The following DAGLB variants were observed in gnomAD, a reference collection of about 807,000 sequenced individuals.
DAGLB encodes diacylglycerol lipase-beta.
A neutral mutation model predicts 72.1 loss-of-function variants in DAGLB; 66 were observed. The ratio of observed to expected loss-of-function variants is 0.92; its 90% CI spans 0.75 to 1.12. The LOEUF (loss-of-function observed/expected upper bound fraction) is 1.12, where lower values mean the gene tolerates loss of function less well. Among genes scored for constraint, DAGLB ranks in the 50% most tolerant of loss-of-function variants. DAGLB has a pLI of 0.00. For synonymous variants in DAGLB, 414 were observed against 359.5 expected, an observed-to-expected ratio of 1.15 and a Z score of -1.71; for missense variants, 1,065 against 884.9, an observed-to-expected ratio of 1.20 and a Z score of -2.58.
Position 6,410,120 on chromosome 7 carries a change from C to T in DAGLB, c.1820+10G>A. 1.9e-6 allele frequency: 3 copies of T among 1,574,326 alleles called. No homozygotes were observed. The highest frequency in any genetic ancestry group is 2.6e-6 in the Non-Finnish European group (3 of 1,157,622). On this transcript the variant is annotated intron_variant, in intron 14 of 14. Coordinates refer to ENST00000297056, the MANE Select transcript of DAGLB (RefSeq NM_139179.4). ...CTGCCTGCCCACCACACCCACCACG[C>T]CGCACTCACCGCCCCGAGGCGCCCT...
At chr7:6,437,129 G>C (rs935108946) in intron 2 of DAGLB, among the ~76,000 whole-genome samples, 58 of 149,442 alleles carry the variant, frequency 3.9e-4, no homozygotes, top group African/African-American at 1.4e-3. Flanking sequence ...ACTCTAGTCT[G>C]GGTGACAGAG....
rs1007201860 is a variant in DAGLB at position 6,411,086 on chromosome 7, G to C, written c.1570-706C>G. Reference sequence around the variant, plus strand: ...TTTTTAATAGAGACGGGGTTTCACCGTGGTCTCTATCTCCTGACCTCGTGA... The same window carrying C: ...TTTTTAATAGAGACGGGGTTTCACCCTGGTCTCTATCTCCTGACCTCGTGA... On this transcript the variant is annotated intron_variant, in intron 13 of 14. Coordinates refer to ENST00000297056, the MANE Select transcript of DAGLB (RefSeq NM_139179.4). 7.3e-5 allele frequency among the ~76,000 whole-genome samples: 11 copies of C among 151,576 alleles called. No homozygotes were observed. The South Asian group carries it at 2.1e-3, about 29-fold the overall frequency.
chr7:6,425,537 T>C (rs1784281930), intron 7 of DAGLB, among the ~76,000 whole-genome samples: 1 of 152,132 alleles, frequency 6.6e-6, no homozygotes, highest in Admixed American at 6.6e-5. Flanking sequence ...CTCAAAGTGC[T>C]GGGATTACAG....
intron 13 of DAGLB, among the ~76,000 whole-genome samples, chr7:6,410,880 ATTTTTTTTT>A (rs35960882): frequency 4.1e-5 from 4 of 98,202 alleles, no homozygotes; most frequent in African/African-American, 4.3e-5. Flanking sequence ...AATTTTTTGT[ATTTTTTTTT>A]TTTTTTTTTT....
intron 11 of DAGLB, among the ~76,000 whole-genome samples, chr7:6,413,940 G>A (rs1331092181): frequency 2.0e-5 from 3 of 152,220 alleles, no homozygotes; most frequent in Admixed American, 6.5e-5. Flanking sequence ...ACACAGACAC[G>A]CTTCCTTCCA....
chr7:6,443,864 A>G (rs573319168), intron 2 of DAGLB, among the ~76,000 whole-genome samples: 1 of 152,332 alleles, frequency 6.6e-6, no homozygotes. Context: ...CACAGTGCTC[A>G]CATCATCCTA....
At chr7:6,441,342 C>A (rs555908173) in intron 2 of DAGLB, among the ~76,000 whole-genome samples, 1 of 151,730 alleles carries the variant, frequency 6.6e-6, no homozygotes, top group Non-Finnish European at 1.5e-5. Flanking sequence ...TCGCCCGCCT[C>A]GGCCTCCCAA....
rs371494679 is a variant in DAGLB at position 6,435,971 on chromosome 7, T to C, written c.419+391A>G. Among the ~76,000 whole-genome samples the C allele has an allele frequency of 1.2e-4, 18 of 152,304 alleles. No homozygotes were observed. The East Asian group carries it at 1.5e-3, about 13-fold the overall frequency. ...AGAATATTATTCCCTGTCCCACTTCTGGACACCGTATCTCTTTTCATACCT... is the reference window on the plus strand; with the variant it reads ...AGAATATTATTCCCTGTCCCACTTCCGGACACCGTATCTCTTTTCATACCT... On this transcript the variant is annotated intron_variant, in intron 3 of 14. Coordinates refer to ENST00000297056, the MANE Select transcript of DAGLB (RefSeq NM_139179.4).
intron 1 of DAGLB, among the ~76,000 whole-genome samples, chr7:6,447,206 C>CA (rs1212993138): frequency 2.0e-5 from 3 of 152,180 alleles, no homozygotes; most frequent in African/African-American, 7.2e-5. Context: ...ACTTCAGGTA[C>CA]CAATGCCACT....
rs1000264724 is a variant in DAGLB at position 6,430,581 on chromosome 7, T to C, written c.828A>G (p.Glu276=). Residue 276 remains glutamate (E), a synonymous_variant, in exon 6 of 15, where the codon GAA becomes GAG. Coordinates refer to ENST00000297056, the MANE Select transcript of DAGLB (RefSeq NM_139179.4). ...SQEADLDAEL[E]NCHHYMQFAA... ...CAAACTGCATGTAATGATGGCAGTT[T>C]TCTAATTCTGCATCCAGATCAGCTT... The C allele has an allele frequency of 3.1e-6, 5 of 1,603,362 alleles. No homozygotes were observed. The highest frequency in any genetic ancestry group is 4.3e-6 in the Non-Finnish European group (5 of 1,173,158).
intron 8 of DAGLB, among the ~76,000 whole-genome samples, chr7:6,424,434 C>G (rs1028915868): frequency 6.6e-6 from 1 of 152,142 alleles, no homozygotes; most frequent in African/African-American, 2.4e-5. Flanking sequence ...CCCGGGAGGG[C>G]TCCCGGGTGT....
At chr7:6,422,142 G>C in intron 8 of DAGLB, 1 of 380,920 alleles carries the variant, frequency 2.6e-6, no homozygotes, top group Non-Finnish European at 5.1e-6. Context: ...CCTGGTTCCC[G>C]TCCTCAGGAG....
Position 6,416,823 on chromosome 7 carries a change from CGTTAACT to C in DAGLB, c.1299+11_1299+17del, listed in dbSNP as rs1368800410. 6.2e-7 allele frequency: 1 copy of C among 1,614,052 alleles called. No individual in the cohort carries two copies. Among genetic ancestry groups the C allele is most frequent in the Admixed American group, 1.7e-5 (1 of 59,996 alleles). On this transcript the variant is annotated intron_variant, in intron 10 of 14. Transcript: ENST00000297056. ...GCTCCAAAGAGGACAAGGAAAGAAA[CGTTAACT>C]AAGATCTCACAGGAGCAATGCTGAA...
intron 5 of DAGLB, among the ~76,000 whole-genome samples, chr7:6,431,356 G>A (rs1260576506): frequency 6.6e-6 from 1 of 152,074 alleles, no homozygotes; most frequent in Non-Finnish European, 1.5e-5. Flanking sequence ...AACTGCTTCT[G>A]CCCCCAGCCC....
Position 6,416,694 on chromosome 7 carries a change from TGGCCAGCAGGG to T in DAGLB, c.1349_1359del (p.Ala450AspfsTer68). 6.8e-6 allele frequency: 11 copies of T among 1,613,762 alleles called. No individual in the cohort carries two copies. Among genetic ancestry groups the T allele is most frequent in the Non-Finnish European group, 9.3e-6 (11 of 1,179,868 alleles). On this transcript the variant is annotated frameshift_variant, in exon 11 of 15. Coordinates refer to ENST00000297056, the MANE Select transcript of DAGLB (RefSeq NM_139179.4). LOFTEE classifies it high-confidence loss of function. ...TGCGGGTAGGCGGCTCTGAGCATGG[TGGCCAGCAGGG>T]CGGCCGCCCCGCCCCCGAGGCTGTG...
rs1364916187 is a variant in DAGLB at position 6,447,916 on chromosome 7, GA to G, written c.-75del. On this transcript the variant is annotated 5_prime_UTR_variant, in exon 1 of 15. Coordinates refer to ENST00000297056, the MANE Select transcript of DAGLB (RefSeq NM_139179.4). Reference sequence around the variant, plus strand: ...ACCGAGAACAAACCAGCACCCTCCGGACGCCGCCACCAAATTATCGGCGCTC... The same window carrying G: ...ACCGAGAACAAACCAGCACCCTCCGGCGCCGCCACCAAATTATCGGCGCTC... 1.7e-5 allele frequency: 25 copies of G among 1,482,284 alleles called. No homozygotes were observed. Among genetic ancestry groups the G allele is most frequent in the Non-Finnish European group, 2.2e-5 (25 of 1,118,670 alleles). 91.8% of individuals were successfully genotyped at this position (1,482,284 alleles called of 1,614,324 possible).
At chr7:6,415,658 C>CA (rs1783884223) in intron 11 of DAGLB, among the ~76,000 whole-genome samples, 1 of 151,222 alleles carries the variant, frequency 6.6e-6, no homozygotes. Flanking sequence ...TCCTGGCTAA[C>CA]ACGGTGAAAC....
chr7:6,417,000 C>A, intron 9 of DAGLB, 79 bp from the exon 10 acceptor site: 1 of 1,485,664 alleles, frequency 6.7e-7, no homozygotes, highest in Non-Finnish European at 9.3e-7. Context: ...TGGGATGACG[C>A]TGTGCACTGA....
chr7:6,417,996 G>C (rs903553806), intron 9 of DAGLB, among the ~76,000 whole-genome samples: 3 of 151,900 alleles, frequency 2.0e-5, no homozygotes, highest in Non-Finnish European at 2.9e-5. Flanking sequence ...TCAGCCTCCT[G>C]AGTAACTGGG....
Sources: gnomAD v4.1 joint callset for allele counts (sites outside exome capture counted in the v4.1 genomes callset) on GRCh38, gnomAD v4.1.1 for gene constraint, MANE v1.5 for transcripts, NCBI Gene and HGNC (gene_info 2026-07-23, HGNC 2026-07-21) for gene names.